The following LGSN variants were observed in gnomAD, a reference collection of about 807,000 sequenced individuals.
LGSN encodes the protein lengsin, lens protein with glutamine synthetase domain.
In LGSN, 21 loss-of-function variants were observed where a neutral mutation model predicts 19.5. That is an observed-to-expected ratio of 1.07 (90% CI 0.76 to 1.55). The LOEUF (loss-of-function observed/expected upper bound fraction) is 1.55. Ranked by LOEUF, LGSN falls within the 40% of genes most tolerant of loss-of-function variation. LGSN has a pLI of 0.00. For synonymous variants in LGSN, 257 were observed against 215.6 expected, an observed-to-expected ratio of 1.19 and a Z score of -1.68; for missense variants, 673 against 608.5, an observed-to-expected ratio of 1.11 and a Z score of -1.12.
chr6:63,480,978 T>C, the LGSN span, among the ~76,000 whole-genome samples: 6 of 34,676 alleles, frequency 1.7e-4, no homozygotes, highest in African/African-American at 3.4e-4. Context: ...TATATATATA[T>C]ATATATATAC....
At chr6:63,512,325 T>G in the LGSN span, among the ~76,000 whole-genome samples, 1 of 152,194 alleles carries the variant, frequency 6.6e-6, no homozygotes, top group African/African-American at 2.4e-5. Context: ...TTAAGTGATC[T>G]ACCTGCCTCG....
At chr6:63,347,205 G>C in the LGSN span, among the ~76,000 whole-genome samples, 5,206 of 152,196 alleles carry the variant, frequency 0.034, 305 homozygotes, top group African/African-American at 0.12. Flanking sequence ...TGGTGAGTAG[G>C]AGAGGGAAAA....
chr6:63,435,890 T>C, the LGSN span, among the ~76,000 whole-genome samples: 1 of 148,444 alleles, frequency 6.7e-6, no homozygotes, highest in African/African-American at 2.5e-5. Flanking sequence ...TATAAAGTAT[T>C]TGAGTCATCA....
At chr6:63,532,754 C>G in the LGSN span, among the ~76,000 whole-genome samples, 2 of 152,020 alleles carry the variant, frequency 1.3e-5, no homozygotes, top group African/African-American at 2.4e-5. Flanking sequence ...TCCAAAAACA[C>G]ATGAGCATGT....
At chr6:63,494,185 G>T in the LGSN span, among the ~76,000 whole-genome samples, 4 of 151,946 alleles carry the variant, frequency 2.6e-5, no homozygotes, top group South Asian at 8.3e-4. Context: ...TCTGACCTCA[G>T]GTGATCCGCC....
chr6:63,364,109 C>G, the LGSN span, among the ~76,000 whole-genome samples: 2 of 152,070 alleles, frequency 1.3e-5, no homozygotes, highest in Admixed American at 6.6e-5. Flanking sequence ...GGGCTAAATG[C>G]TCTAATTAAA....
At chr6:63,360,761 C>T in the LGSN span, among the ~76,000 whole-genome samples, 1 of 152,196 alleles carries the variant, frequency 6.6e-6, no homozygotes, top group South Asian at 2.1e-4. Flanking sequence ...TTTTTCTGCT[C>T]TGTTTTTTTC....
the LGSN span, among the ~76,000 whole-genome samples, chr6:63,450,591 T>C: frequency 6.7e-6 from 1 of 150,286 alleles, no homozygotes; most frequent in East Asian, 1.9e-4. Context: ...TAAAAAACGT[T>C]AGTAAACATG....
the LGSN span, among the ~76,000 whole-genome samples, chr6:63,346,712 C>A: frequency 6.6e-6 from 1 of 152,050 alleles, no homozygotes; most frequent in Non-Finnish European, 1.5e-5. Flanking sequence ...AGACTGAGCC[C>A]TTAACCTATA....
At chr6:63,523,179 A>AT in the LGSN span, among the ~76,000 whole-genome samples, 873 of 150,794 alleles carry the variant, frequency 5.8e-3, 6 homozygotes, top group African/African-American at 0.019. Context: ...TCACTCTTTT[A>AT]TTTTTTTTTA....
chr6:63,548,556 C>T, the LGSN span, among the ~76,000 whole-genome samples: 1 of 152,194 alleles, frequency 6.6e-6, no homozygotes, highest in Admixed American at 6.6e-5. Context: ...TTCTATTCCT[C>T]TCTCCAAGCA....
the LGSN span, among the ~76,000 whole-genome samples, chr6:63,335,154 A>T: frequency 6.6e-6 from 1 of 151,812 alleles, no homozygotes; most frequent in African/African-American, 2.4e-5. Context: ...AAAAAAAAAA[A>T]AAAAAAATAC....
the LGSN span, among the ~76,000 whole-genome samples, chr6:63,400,715 C>T: frequency 1.3e-3 from 203 of 152,288 alleles, no homozygotes; most frequent in Non-Finnish European, 2.2e-3. Flanking sequence ...AAATTTCGGC[C>T]GGGCGTGGTG....
chr6:63,419,766 T>A, the LGSN span, among the ~76,000 whole-genome samples: 1 of 150,330 alleles, frequency 6.7e-6, no homozygotes, highest in East Asian at 2.0e-4. Context: ...TGGACGCCTA[T>A]AATCCCAGCT....
chr6:63,366,782 A>G, the LGSN span, among the ~76,000 whole-genome samples: 2 of 152,028 alleles, frequency 1.3e-5, no homozygotes, highest in Non-Finnish European at 2.9e-5. Flanking sequence ...TGGAAATAAT[A>G]CCACACATCT....
At chr6:63,448,067 A>G in the LGSN span, among the ~76,000 whole-genome samples, 1 of 152,330 alleles carries the variant, frequency 6.6e-6, no homozygotes, top group East Asian at 1.9e-4. Flanking sequence ...TGCCTCATAA[A>G]ATAATAATAT....
the LGSN span, among the ~76,000 whole-genome samples, chr6:63,559,954 A>G: frequency 4.6e-5 from 7 of 152,254 alleles, no homozygotes; most frequent in African/African-American, 1.7e-4. Context: ...GACAACAGCA[A>G]CCCAGGATGG....
the LGSN span, among the ~76,000 whole-genome samples, chr6:63,401,419 C>T: frequency 1.5e-4 from 22 of 149,604 alleles, no homozygotes; most frequent in African/African-American, 4.9e-4. Flanking sequence ...AAAAAAGTTA[C>T]AAAATTAAGG....
chr6:63,430,678 G>A, the LGSN span, among the ~76,000 whole-genome samples: 2 of 152,062 alleles, frequency 1.3e-5, no homozygotes, highest in African/African-American at 2.4e-5. Flanking sequence ...ATGAACCACT[G>A]CATCCAGCCT....
Sources: gnomAD v4.1 joint callset for allele counts (sites outside exome capture counted in the v4.1 genomes callset) on GRCh38, gnomAD v4.1.1 for gene constraint, MANE v1.5 for transcripts, NCBI Gene and HGNC (gene_info 2026-07-23, HGNC 2026-07-21) for gene names.